Variants in NPAS3 observed in about 807,000 individuals in gnomAD.
NPAS3 encodes neuronal PAS domain protein 3.
NPAS3 carries 14 observed loss-of-function variants against 73.1 expected under a neutral mutation model. That is an observed-to-expected ratio of 0.19 (90% confidence interval 0.13 to 0.30). NPAS3 has a LOEUF of 0.30. Ranked by LOEUF, NPAS3 falls within the 10% of genes least tolerant of loss-of-function variation. The probability of loss-of-function intolerance (pLI) is 1.00; values close to 1 mark genes in which losing one functional copy is unlikely to be tolerated. For synonymous variants in NPAS3, 620 were observed against 541.5 expected, an observed-to-expected ratio of 1.14 and a Z score of -2.01; for missense variants, 1,096 against 1,250.0, an observed-to-expected ratio of 0.88 and a Z score of 1.86.
At chr14:33,093,240 C>T (rs1350929101) in intron 2 of NPAS3, among the ~76,000 whole-genome samples, 2 of 152,130 alleles carry the variant, frequency 1.3e-5, no homozygotes, top group Non-Finnish European at 2.9e-5. Flanking sequence ...GGCTAATATC[C>T]AGAATCTACA....
intron 2 of NPAS3, among the ~76,000 whole-genome samples, chr14:33,108,270 T>C (rs894116425): frequency 6.6e-6 from 1 of 150,752 alleles, no homozygotes; most frequent in East Asian, 2.0e-4. Context: ...CTTGGCTCAC[T>C]GCAACCTCCA....
intron 2 of NPAS3, among the ~76,000 whole-genome samples, chr14:33,143,179 T>G (rs1324930211): frequency 6.6e-6 from 1 of 151,458 alleles, no homozygotes; most frequent in Non-Finnish European, 1.5e-5. Flanking sequence ...TTTTGCCACT[T>G]ACAGTTTATA....
chr14:33,708,625 G>A (rs1481742642), intron 6 of NPAS3, among the ~76,000 whole-genome samples: 3 of 152,128 alleles, frequency 2.0e-5, no homozygotes, highest in African/African-American at 7.2e-5. Flanking sequence ...AAGCAAGATG[G>A]CAAAACTTAT....
intron 4 of NPAS3, among the ~76,000 whole-genome samples, chr14:33,463,290 A>C (rs1251170283): frequency 3.3e-5 from 5 of 152,156 alleles, no homozygotes; most frequent in Non-Finnish European, 7.3e-5. Context: ...TCCTACAAAA[A>C]CTTCTTTGGG....
intron 2 of NPAS3, among the ~76,000 whole-genome samples, chr14:33,111,816 C>A (rs1308815849): frequency 6.6e-6 from 1 of 150,876 alleles, no homozygotes; most frequent in African/African-American, 2.4e-5. Flanking sequence ...CCCCCCTCCC[C>A]CTTGCCCGCA....
intron 4 of NPAS3, among the ~76,000 whole-genome samples, chr14:33,446,178 T>TTC (rs2139331271): frequency 6.9e-6 from 1 of 145,552 alleles, no homozygotes; most frequent in African/African-American, 2.5e-5. Flanking sequence ...TTTTTTTTTT[T>TTC]TTTTTTTTGA....
At chr14:32,966,990 C>T (rs968241934) in intron 1 of NPAS3, among the ~76,000 whole-genome samples, 3 of 152,038 alleles carry the variant, frequency 2.0e-5, no homozygotes. Flanking sequence ...GAAGAGACAA[C>T]CTACAAAATG....
In NPAS3 at chr14:33,188,302, G is replaced by A. The variant is rs572578972; in HGVS notation, c.141-26880G>A. ...AGAAAGGAAGATTTCAGAAGGTCAC[G>A]GCCTCTGTCTCTTCTGCTTCTCACT... On this transcript the variant is annotated intron_variant, in intron 2 of 11. Coordinates refer to ENST00000356141, the Ensembl canonical transcript of NPAS3. Among the ~76,000 whole-genome samples, 3 of 152,240 alleles carry A rather than the reference G, an allele frequency of 2.0e-5. No individual in the cohort carries two copies. In the South Asian group the frequency reaches 6.2e-4, roughly 32 times the overall value.
At chr14:33,622,650 T>A (rs2058108189) in intron 5 of NPAS3, among the ~76,000 whole-genome samples, 1 of 152,204 alleles carries the variant, frequency 6.6e-6, no homozygotes, top group African/African-American at 2.4e-5. Flanking sequence ...GTTATTCCCA[T>A]CCAGATTGCA....
intron 7 of NPAS3, among the ~76,000 whole-genome samples, chr14:33,770,058 C>T (rs552182377): frequency 6.6e-6 from 1 of 152,146 alleles, no homozygotes; most frequent in East Asian, 1.9e-4. Context: ...AGCCACAATG[C>T]CCAGCCTGGA....
Position 33,136,268 on chromosome 14 carries a change from C to T in NPAS3, c.141-78914C>T, listed in dbSNP as rs545734324. On this transcript the variant is annotated intron_variant, in intron 2 of 11. Transcript: ENST00000356141. ...TAGAGACAGGGTTTCACCATGTTGGCCAGGCTGGTCTCAATCTCCTGACCT... is the reference window on the plus strand; with the variant it reads ...TAGAGACAGGGTTTCACCATGTTGGTCAGGCTGGTCTCAATCTCCTGACCT... 4.6e-5 allele frequency among the ~76,000 whole-genome samples: 7 copies of T among 152,012 alleles called. No individual in the cohort carries two copies. In the East Asian group the frequency reaches 1.2e-3, roughly 25 times the overall value.
At chr14:33,205,768 A>G (rs1290387931) in intron 2 of NPAS3, among the ~76,000 whole-genome samples, 2 of 152,178 alleles carry the variant, frequency 1.3e-5, no homozygotes, top group African/African-American at 4.8e-5. Flanking sequence ...CATAACTTAA[A>G]TTTTTCATAC....
intron 2 of NPAS3, among the ~76,000 whole-genome samples, chr14:33,195,384 T>C (rs12435536): frequency 0.21 from 32,094 of 152,026 alleles, 3,839 homozygotes; most frequent in South Asian, 0.39. Flanking sequence ...AATTCTCCTG[T>C]GTCAGCCTCC....
intron 2 of NPAS3, among the ~76,000 whole-genome samples, chr14:33,172,756 A>T (rs1019754807): frequency 2.0e-5 from 3 of 152,080 alleles, no homozygotes; most frequent in African/African-American, 7.2e-5. Context: ...AAAAAAAATT[A>T]AAAATTGCAT....
At chr14:32,955,874 T>C (rs1373110794) in intron 1 of NPAS3, among the ~76,000 whole-genome samples, 2 of 152,180 alleles carry the variant, frequency 1.3e-5, no homozygotes, top group East Asian at 1.9e-4. Flanking sequence ...TCAATATGTA[T>C]TTTTAACTAA....
intron 3 of NPAS3, among the ~76,000 whole-genome samples, chr14:33,298,667 C>T (rs1312901394): frequency 6.6e-6 from 1 of 152,090 alleles, no homozygotes; most frequent in African/African-American, 2.4e-5. Flanking sequence ...CTACTATGCA[C>T]AGAGATGTAA....
chr14:33,531,995 C>G (rs915417146), intron 4 of NPAS3, among the ~76,000 whole-genome samples: 2 of 152,132 alleles, frequency 1.3e-5, no homozygotes, highest in Admixed American at 6.6e-5. Context: ...CAGTCTCATG[C>G]TTACTTTAAT....
chr14:33,410,033 T>G (rs1029899724), intron 4 of NPAS3, among the ~76,000 whole-genome samples: 2 of 152,182 alleles, frequency 1.3e-5, no homozygotes, highest in African/African-American at 4.8e-5. Flanking sequence ...GCAAGTCTCA[T>G]GTTGAGTTGA....
intron 6 of NPAS3, among the ~76,000 whole-genome samples, chr14:33,732,435 C>G (rs184302637): frequency 6.6e-6 from 1 of 152,354 alleles, no homozygotes; most frequent in Non-Finnish European, 1.5e-5. Context: ...ACACCATTGT[C>G]ACAGCTGGGA....
Sources: allele counts gnomAD v4.1 joint callset (sites outside exome capture counted in the v4.1 genomes callset), GRCh38; gene constraint gnomAD v4.1.1; transcripts MANE v1.5; gene names NCBI Gene and HGNC (gene_info 2026-07-23, HGNC 2026-07-21).